The following LRMDA variants were observed in gnomAD, a reference collection of about 807,000 sequenced individuals.
LRMDA encodes leucine rich melanocyte differentiation associated, also known as leucine-rich melanocyte differentiation-associated protein.
LRMDA carries 18 observed loss-of-function variants against 29.8 expected under a neutral mutation model. The observed-to-expected ratio is 0.60, with a 90% CI of 0.42 to 0.90. The LOEUF (loss-of-function observed/expected upper bound fraction) is 0.90. Among genes scored for constraint, LRMDA ranks in the 40% least tolerant of loss-of-function variants. The probability of loss-of-function intolerance (pLI) is 0.00; values close to 1 mark genes in which losing one functional copy is unlikely to be tolerated. For missense variants in LRMDA, 273 were observed against 273.9 expected (o/e 1.00, Z 0.02); for synonymous variants, 125 against 109.4 (o/e 1.14, Z -0.89).
At chr10:76,367,799 A>G (rs1841409598) in intron 6 of LRMDA, among the ~76,000 whole-genome samples, 2 of 152,234 alleles carry the variant, frequency 1.3e-5, no homozygotes, top group African/African-American at 4.8e-5. Context: ...TTGTCTGTTC[A>G]GGGTATCTAA....
chr10:75,912,959 A>G (rs931920986), intron 2 of LRMDA, among the ~76,000 whole-genome samples: 5 of 152,166 alleles, frequency 3.3e-5, no homozygotes, highest in Non-Finnish European at 5.9e-5. Context: ...ACGGTAGTTA[A>G]GAGAAGGTTG....
Position 76,104,257 on chromosome 10 carries a change from C to A in LRMDA, c.516+45474C>A, listed in dbSNP as rs554502299. 2.1e-3 allele frequency among the ~76,000 whole-genome samples: 327 copies of A among 152,240 alleles called. 2 individuals are homozygous for A. Among genetic ancestry groups the A allele is most frequent in the African/African-American group, 7.3e-3 (303 of 41,548 alleles). Reference sequence around the variant, plus strand: ...CAGACTCTCCAGGGACGGCACTATGCTTGGGTGTGTGGCCTACTCCCTATT... The same window carrying A: ...CAGACTCTCCAGGGACGGCACTATGATTGGGTGTGTGGCCTACTCCCTATT... On this transcript the variant is annotated intron_variant, in intron 5 of 6. Coordinates refer to ENST00000611255, the MANE Select transcript of LRMDA (RefSeq NM_001305581.2).
chr10:76,543,925 T>C (rs1296977011), intron 6 of LRMDA, among the ~76,000 whole-genome samples: 3 of 152,110 alleles, frequency 2.0e-5, no homozygotes, highest in East Asian at 1.9e-4. Flanking sequence ...GGAGAGGTCA[T>C]GTGGGCTTCT....
intron 2 of LRMDA, among the ~76,000 whole-genome samples, chr10:75,763,516 G>C (rs1044832709): frequency 6.6e-6 from 1 of 152,160 alleles, no homozygotes; most frequent in Non-Finnish European, 1.5e-5. Context: ...CCTTCAAGGA[G>C]TTATACACAG....
chr10:76,111,231 G>C (rs1849573584), intron 5 of LRMDA, among the ~76,000 whole-genome samples: 1 of 152,192 alleles, frequency 6.6e-6, no homozygotes, highest in South Asian at 2.1e-4. Flanking sequence ...TCACCTTTGT[G>C]ATTTAACATG....
chr10:75,750,313 C>A (rs1216148305), intron 2 of LRMDA, among the ~76,000 whole-genome samples: 1 of 151,856 alleles, frequency 6.6e-6, no homozygotes, highest in Non-Finnish European at 1.5e-5. Flanking sequence ...CCCCACCTCC[C>A]TCCCGGACGG....
intron 5 of LRMDA, among the ~76,000 whole-genome samples, chr10:76,293,428 A>G (rs1422504744): frequency 1.3e-5 from 2 of 152,240 alleles, no homozygotes; most frequent in African/African-American, 4.8e-5. Context: ...TGAAACATTT[A>G]GAAAAATGTG....
chr10:76,173,059 A>T (rs181788285), intron 5 of LRMDA, among the ~76,000 whole-genome samples: 1,249 of 65,746 alleles, frequency 0.019, 6 homozygotes, highest in Admixed American at 0.025. Context: ...TTAAGAAGAT[A>T]AAAAAAAAGA....
intron 2 of LRMDA, among the ~76,000 whole-genome samples, chr10:75,947,428 T>C (rs551275577): frequency 6.6e-6 from 1 of 152,330 alleles, no homozygotes; most frequent in East Asian, 1.9e-4. Context: ...GCAGCCATCC[T>C]GACAGCAGTG....
intron 5 of LRMDA, among the ~76,000 whole-genome samples, chr10:76,200,001 A>G (rs1851398600): frequency 6.6e-6 from 1 of 152,198 alleles, no homozygotes; most frequent in South Asian, 2.1e-4. Flanking sequence ...TCACTCTGTC[A>G]CCCAGGCTGG....
intron 5 of LRMDA, among the ~76,000 whole-genome samples, chr10:76,278,510 A>G (rs919486356): frequency 1.3e-5 from 2 of 152,110 alleles, no homozygotes; most frequent in East Asian, 3.9e-4. Flanking sequence ...CTGCTTTGTT[A>G]TACTGTCTTA....
chr10:75,925,229 G>A (rs12255321), intron 2 of LRMDA, among the ~76,000 whole-genome samples: 4,687 of 152,144 alleles, frequency 0.031, 255 homozygotes, highest in African/African-American at 0.11. Context: ...TGCCCTCTCA[G>A]CATTAGGTTT....
chr10:76,225,363 G>A lies in LRMDA; in HGVS notation c.517-99038G>A, dbSNP rs189176529. On this transcript the variant is annotated intron_variant, in intron 5 of 6. Transcript: ENST00000611255. ...GAGACGGAGGTTTCAGTGAGCTGAC[G>A]ATGACACGATGCCACCGCACTCCAG... is the stretch of plus-strand genomic sequence containing the variant. Among the ~76,000 whole-genome samples the A allele has an allele frequency of 8.4e-4, 128 of 151,918 alleles. 2 individuals are homozygous for A. The highest frequency in any genetic ancestry group is 8.1e-3 in the Admixed American group (124 of 15,256).
At chr10:75,817,029 G>T (rs918711350) in intron 2 of LRMDA, among the ~76,000 whole-genome samples, 8 of 152,190 alleles carry the variant, frequency 5.3e-5, no homozygotes, top group African/African-American at 1.4e-4. Context: ...CAGAAAATTT[G>T]ATCCACGTTG....
rs192949219 is a variant in LRMDA, at chr10:76,145,737, T to C, written c.516+86954T>C. 7.5e-4 allele frequency among the ~76,000 whole-genome samples: 114 copies of C among 152,220 alleles called. No individual in the cohort carries two copies. In the East Asian group the frequency reaches 0.02, roughly 27 times the overall value. On this transcript the variant is annotated intron_variant, in intron 5 of 6. Coordinates refer to ENST00000611255, the MANE Select transcript of LRMDA (RefSeq NM_001305581.2). ...TTATTTCTTGCCTTCTGCTAGCTTT[T>C]GAATGTGTTTGGTCTTGCTTTTCTA...
chr10:75,745,226 A>G (rs1388751460), intron 2 of LRMDA, among the ~76,000 whole-genome samples: 2 of 152,036 alleles, frequency 1.3e-5, no homozygotes, highest in Non-Finnish European at 2.9e-5. Context: ...TAATACCCCC[A>G]TGTTACTCAT....
chr10:75,916,254 T>C (rs1217577563), intron 2 of LRMDA, among the ~76,000 whole-genome samples: 1 of 151,888 alleles, frequency 6.6e-6, no homozygotes, highest in Non-Finnish European at 1.5e-5. Flanking sequence ...CCCTGAAGGA[T>C]GCTGCTCCTG....
intron 5 of LRMDA, among the ~76,000 whole-genome samples, chr10:76,233,905 C>T (rs552257105): frequency 6.6e-6 from 1 of 152,280 alleles, no homozygotes; most frequent in African/African-American, 2.4e-5. Flanking sequence ...CAAAATCATC[C>T]GTGAGGGTTG....
At chr10:75,721,998 T>G (rs1014662513) in intron 2 of LRMDA, among the ~76,000 whole-genome samples, 16 of 152,272 alleles carry the variant, frequency 1.1e-4, no homozygotes, top group Non-Finnish European at 1.8e-4. Context: ...CACTTTTTTT[T>G]GGGGTTGCCT....
Sources: gnomAD v4.1 joint callset for allele counts (sites outside exome capture counted in the v4.1 genomes callset) on GRCh38, gnomAD v4.1.1 for gene constraint, MANE v1.5 for transcripts, NCBI Gene and HGNC (gene_info 2026-07-23, HGNC 2026-07-21) for gene names.